The following CLASP2 variants were observed in gnomAD, a reference collection of about 807,000 sequenced individuals.
CLASP2 encodes cytoplasmic linker associated protein 2.
In CLASP2, 47 loss-of-function variants were observed where a neutral mutation model predicts 194.4. The observed-to-expected ratio is 0.24, with a 90% confidence interval of 0.19 to 0.31. The LOEUF is 0.31. CLASP2 is among the 10% of genes least tolerant of loss of function. The pLI, the probability that CLASP2 is intolerant of heterozygous loss-of-function variation, is 1.00. For synonymous variants in CLASP2, 619 were observed against 633.5 expected (o/e 0.98, Z 0.34); for missense variants, 1,445 against 1,823.6 (o/e 0.79, Z 3.78).
intron 1 of CLASP2, among the ~76,000 whole-genome samples, chr3:33,702,919 A>C (rs1460415168): frequency 1.3e-5 from 2 of 152,220 alleles, no homozygotes; most frequent in Non-Finnish European, 2.9e-5. Flanking sequence ...ATCCACATGC[A>C]AAACATTAAT....
rs918940125 is a variant in CLASP2, at chr3:33,496,740, T to A, written c.*1891A>T. 6.6e-6 allele frequency: 1 copy of A among 152,190 alleles called. No homozygotes were observed. Among genetic ancestry groups the A allele is most frequent in the African/African-American group, 2.4e-5 (1 of 41,468 alleles). 9.4% of individuals were successfully genotyped at this position (152,190 alleles called of 1,614,324 possible). ...TTTTGATTCGAAATGATTACAAACA[T>A]ATCCAAAGGTCATAAAATGCTACTG... On this transcript the variant is annotated 3_prime_UTR_variant, in exon 39 of 39. Transcript: ENST00000682230.
intron 32 of CLASP2, among the ~76,000 whole-genome samples, chr3:33,539,727 T>C (rs905954532): frequency 3.3e-5 from 5 of 152,154 alleles, no homozygotes; most frequent in East Asian, 1.9e-4. Flanking sequence ...GCTGTTTTCA[T>C]ACAATAGCAG....
At chr3:33,680,642 C>T (rs1175947647) in intron 6 of CLASP2, among the ~76,000 whole-genome samples, 1 of 151,848 alleles carries the variant, frequency 6.6e-6, no homozygotes, top group Admixed American at 6.6e-5. Flanking sequence ...GACCCTGTCT[C>T]TACAAAAAAA....
chr3:33,673,628 A>G (rs1344850639), intron 6 of CLASP2, among the ~76,000 whole-genome samples: 1 of 152,242 alleles, frequency 6.6e-6, no homozygotes, highest in East Asian at 1.9e-4. Flanking sequence ...AAATGCTCCA[A>G]TTAAAAGACA....
intron 20 of CLASP2, among the ~76,000 whole-genome samples, chr3:33,594,635 A>T (rs1005261870): frequency 6.6e-6 from 1 of 151,852 alleles, no homozygotes; most frequent in Non-Finnish European, 1.5e-5. Flanking sequence ...ATGTAAGAAA[A>T]GCATTAATGT....
At chr3:33,516,200 C>CT in intron 35 of CLASP2, 49 bp from the exon 36 acceptor site, 7 of 1,519,144 alleles carry the variant, frequency 4.6e-6, no homozygotes, top group Non-Finnish European at 6.2e-6. Context: ...TGTAGATAAT[C>CT]TTTAACATTT....
At chr3:33,627,415 T>C (rs868485774) in intron 9 of CLASP2, among the ~76,000 whole-genome samples, 2 of 152,172 alleles carry the variant, frequency 1.3e-5, no homozygotes, top group Non-Finnish European at 2.9e-5. Context: ...ACCTATCTTA[T>C]TGCATTCATA....
chr3:33,516,138 G>T lies in CLASP2; in HGVS notation c.3995C>A (p.Ala1332Asp). The T allele has an allele frequency of 6.2e-7, 1 of 1,605,842 alleles. No homozygotes were observed. Among genetic ancestry groups the T allele is most frequent in the Admixed American group, 1.7e-5 (1 of 58,502 alleles). ...TLGDKEPTIR[A>D]LALKVLREIL... The stretch of plus-strand genomic sequence containing the variant: ...TTCTCTTAAAACCTTTAATGCCAAA[G>T]CCCTGATTGTAGGCTAAGAAGAAAC... Residue 1332 changes from alanine (A) to aspartate (D), a missense_variant, in exon 36 of 39, where the codon GCT becomes GAT. This residue lies in a region of CLASP2 where 732 missense variants were observed against 987.9 expected (regional missense o/e 0.74). Coordinates refer to ENST00000682230, the MANE Select transcript of CLASP2 (RefSeq NM_001365631.1).
intron 7 of CLASP2, chr3:33,645,188 G>T: frequency 1.3e-6 from 1 of 753,626 alleles, no homozygotes; most frequent in Admixed American, 1.8e-5. Flanking sequence ...TATTTTTCAT[G>T]TTTTTGCTAC....
At chr3:33,682,083 G>C (rs2089948751) in intron 6 of CLASP2, among the ~76,000 whole-genome samples, 1 of 152,100 alleles carries the variant, frequency 6.6e-6, no homozygotes, top group Non-Finnish European at 1.5e-5. Flanking sequence ...GGTGCTTCTT[G>C]TATAGCCCCT....
At chr3:33,694,809 CTCACACCTGTGG>C (rs1291943726) in intron 2 of CLASP2, among the ~76,000 whole-genome samples, 5 of 152,018 alleles carry the variant, frequency 3.3e-5, no homozygotes, top group African/African-American at 1.2e-4. Context: ...GGCATGGTGG[CTCACACCTGTGG>C]TCCCAGCTAC....
chr3:33,592,116 T>C (rs2068931833), intron 21 of CLASP2: 3 of 660,798 alleles, frequency 4.5e-6, no homozygotes, highest in African/African-American at 3.6e-5. Context: ...CAGATATCAA[T>C]GATGCAGCCC....
rs546343215 is a variant in CLASP2, at chr3:33,500,266, G to T, written c.4434+1386C>A. 1.4e-3 allele frequency among the ~76,000 whole-genome samples: 215 copies of T among 151,992 alleles called. 1 individual carries two copies. Among genetic ancestry groups the T allele is most frequent in the African/African-American group, 3.6e-3 (148 of 41,478 alleles). ...ACCAGGCTGGTCTTGAACTCCTGAG[G>T]TCAAGTGATCCTCCCACCTTGGCCT... On this transcript the variant is annotated intron_variant, in intron 38 of 38. Transcript: ENST00000682230.
At chr3:33,577,359 G>A in intron 23 of CLASP2, 1 of 940,162 alleles carries the variant, frequency 1.1e-6, no homozygotes, top group Non-Finnish European at 1.6e-6. Context: ...AGTTAACACT[G>A]GTGTTATTCT....
intron 7 of CLASP2, among the ~76,000 whole-genome samples, chr3:33,653,338 A>G (rs2083547401): frequency 6.6e-6 from 1 of 152,206 alleles, no homozygotes. Context: ...AAAAGCAGAA[A>G]TATAAAAGCA....
intron 29 of CLASP2, among the ~76,000 whole-genome samples, chr3:33,555,568 A>C (rs1466502143): frequency 6.6e-6 from 1 of 152,022 alleles, no homozygotes; most frequent in South Asian, 2.1e-4. Context: ...GGGTTTTGCC[A>C]TGTTGCCCAG....
At chr3:33,655,683 G>GAGAT (rs2154326725) in intron 7 of CLASP2, among the ~76,000 whole-genome samples, 1 of 152,182 alleles carries the variant, frequency 6.6e-6, no homozygotes, top group East Asian at 1.9e-4. Context: ...TGGAAGAAGA[G>GAGAT]AGATCTATTT....
At chr3:33,568,334 C>T (rs748251946) in intron 26 of CLASP2, among the ~76,000 whole-genome samples, 1 of 151,994 alleles carries the variant, frequency 6.6e-6, no homozygotes, top group Non-Finnish European at 1.5e-5. Context: ...GGACAGATCA[C>T]TTGAGGCCAG....
intron 27 of CLASP2, among the ~76,000 whole-genome samples, chr3:33,563,739 T>C (rs1028480214): frequency 4.6e-5 from 7 of 152,222 alleles, no homozygotes; most frequent in African/African-American, 1.7e-4. Context: ...TCATGTCTCT[T>C]TGTTACCATC....
Sources: gnomAD v4.1 joint callset for allele counts (sites outside exome capture counted in the v4.1 genomes callset) on GRCh38, gnomAD v4.1.1 for gene constraint, gnomAD v4.1.1 regional missense constraint, MANE v1.5 for transcripts, NCBI Gene and HGNC (gene_info 2026-07-23, HGNC 2026-07-21) for gene names.